Variants in ROBO1 observed in about 807,000 individuals in gnomAD.
ROBO1 encodes roundabout guidance receptor 1, also known as roundabout homolog 1.
In ROBO1, 149 loss-of-function variants were observed where a neutral mutation model predicts 195.9. The observed-to-expected ratio is 0.76, with a 90% CI of 0.67 to 0.87. ROBO1 has a LOEUF of 0.87. ROBO1 is among the 40% of genes least tolerant of loss of function. The probability of loss-of-function intolerance (pLI) is 0.00; values close to 1 mark genes in which losing one functional copy is unlikely to be tolerated. For missense variants in ROBO1, 1,933 were observed against 2,068.3 expected (o/e 0.93, Z 1.27); for synonymous variants, 816 against 733.2 (o/e 1.11, Z -1.82).
Position 78,688,782 on chromosome 3 carries a change from G to A in ROBO1, c.1046-10C>T. 2 of 1,603,900 alleles carry A rather than the reference G, an allele frequency of 1.2e-6. No homozygotes were observed. The highest frequency in any genetic ancestry group is 8.5e-7 in the Non-Finnish European group (1 of 1,175,176). On this transcript the variant is annotated splice_polypyrimidine_tract_variant and intron_variant, in intron 8 of 30. Transcript: ENST00000464233. ...ACAAAATGTGGAGGTTCTGAAGGAG[G>A]TGAAACAAATTACACCGAATTAAAA... is the stretch of plus-strand genomic sequence containing the variant.
chr3:79,194,189 T>G (rs1353808498), intron 2 of ROBO1, among the ~76,000 whole-genome samples: 2 of 151,702 alleles, frequency 1.3e-5, no homozygotes, highest in Admixed American at 6.6e-5. Flanking sequence ...TTTTCTTATT[T>G]ATAGCCTATC....
chr3:79,018,414 G>C lies in ROBO1; in HGVS notation c.173-79487C>G, dbSNP rs562870432. On this transcript the variant is annotated intron_variant, in intron 3 of 30. Transcript: ENST00000464233. ...AAGAAGACGCGGGGTTACCTGAACA[G>C]AGACATATTAATCCAAACAGGTAAA... 1.9e-4 allele frequency: 300 copies of C among 1,613,904 alleles called. No homozygotes were observed. The Middle Eastern group carries it at 2.6e-3, about 14-fold the overall frequency.
At chr3:78,809,642 A>G (rs2084664004) in intron 4 of ROBO1, among the ~76,000 whole-genome samples, 1 of 152,218 alleles carries the variant, frequency 6.6e-6, no homozygotes, top group Non-Finnish European at 1.5e-5. Context: ...CATATACACC[A>G]TGGAATACTA....
intron 3 of ROBO1, among the ~76,000 whole-genome samples, chr3:78,983,754 T>C (rs1428065665): frequency 1.3e-5 from 2 of 152,204 alleles, no homozygotes; most frequent in South Asian, 2.1e-4. Flanking sequence ...CTGTCACCTA[T>C]AAATACAAAT....
intron 1 of ROBO1, among the ~76,000 whole-genome samples, chr3:79,737,197 T>C (rs1435532829): frequency 6.6e-6 from 1 of 152,158 alleles, no homozygotes; most frequent in Non-Finnish European, 1.5e-5. Flanking sequence ...TAGGGTACTT[T>C]GAAAGCATAT....
intron 2 of ROBO1, among the ~76,000 whole-genome samples, chr3:79,430,483 A>G (rs1458814432): frequency 1.3e-5 from 2 of 152,066 alleles, no homozygotes; most frequent in Admixed American, 1.3e-4. Context: ...AATTGATTAG[A>G]CCCCTAAGAA....
At chr3:79,301,578 G>A (rs2032959738) in intron 2 of ROBO1, among the ~76,000 whole-genome samples, 2 of 152,130 alleles carry the variant, frequency 1.3e-5, no homozygotes, top group Admixed American at 1.3e-4. Flanking sequence ...ATTTGTCATT[G>A]CTATGTTTCA....
At chr3:79,107,127 T>TCTCTCACACA (rs1370578718) in intron 3 of ROBO1, among the ~76,000 whole-genome samples, 44 of 136,450 alleles carry the variant, frequency 3.2e-4, no homozygotes, top group African/African-American at 1.1e-3. Flanking sequence ...TCTCTCTCTC[T>TCTCTCACACA]CACACACACA....
At chr3:79,653,931 T>C (rs116370107) in intron 1 of ROBO1, among the ~76,000 whole-genome samples, 2,873 of 152,078 alleles carry the variant, frequency 0.019, 40 homozygotes, top group Non-Finnish European at 0.032. Context: ...TTCTACAAAG[T>C]ACATGTTAGG....
chr3:79,566,050 A>G lies in ROBO1; in HGVS notation c.88+23774T>C, dbSNP rs116576314. Among the ~76,000 whole-genome samples, 556 of 152,208 alleles carry G rather than the reference A, an allele frequency of 3.7e-3. 2 individuals carry two copies. The highest frequency in any genetic ancestry group is 0.011 in the African/African-American group (472 of 41,564). On this transcript the variant is annotated intron_variant, in intron 2 of 30. Transcript: ENST00000464233. ...TCCTGGATCCATTTAACTAATGAAG[A>G]AAGAACTCTTGAGTCTTCCTTTTAG...
At chr3:79,099,895 A>T (rs2079644124) in intron 3 of ROBO1, among the ~76,000 whole-genome samples, 1 of 151,784 alleles carries the variant, frequency 6.6e-6, no homozygotes, top group African/African-American at 2.4e-5. Context: ...CGTATGTATT[A>T]TATCCTCTGC....
chr3:79,534,148 CAAAAAAAA>C (rs5850434), intron 2 of ROBO1, among the ~76,000 whole-genome samples: 65 of 59,972 alleles, frequency 1.1e-3, no homozygotes, highest in South Asian at 8.7e-3. Flanking sequence ...CTGGGGAAGG[CAAAAAAAA>C]AAAAAAAAAA....
chr3:79,516,513 C>T (rs1307403613), intron 2 of ROBO1, among the ~76,000 whole-genome samples: 1 of 152,150 alleles, frequency 6.6e-6, no homozygotes, highest in Non-Finnish European at 1.5e-5. Context: ...GATACACAGA[C>T]TGCCATTATT....
At chr3:79,731,349 T>C (rs1451580119) in intron 1 of ROBO1, among the ~76,000 whole-genome samples, 2 of 152,274 alleles carry the variant, frequency 1.3e-5, no homozygotes, top group East Asian at 3.9e-4. Flanking sequence ...GAATCATCTG[T>C]AAAGCATGTA....
At chr3:79,714,366 T>C (rs1384792481) in intron 1 of ROBO1, among the ~76,000 whole-genome samples, 2 of 152,110 alleles carry the variant, frequency 1.3e-5, no homozygotes, top group African/African-American at 2.4e-5. Flanking sequence ...CTGGAGAGGA[T>C]GTGGAGAAAT....
chr3:78,885,412 TAAAAAAAAAAAAA>T (rs59912706), intron 4 of ROBO1, among the ~76,000 whole-genome samples: 3 of 53,676 alleles, frequency 5.6e-5, no homozygotes, highest in Non-Finnish European at 6.4e-5. Flanking sequence ...AATTTAAAAC[TAAAAAAAAAAAAA>T]AAAAAAAAAA....
chr3:78,628,705 G>A (rs1704983247), intron 25 of ROBO1, among the ~76,000 whole-genome samples: 1 of 151,890 alleles, frequency 6.6e-6, no homozygotes, highest in Non-Finnish European at 1.5e-5. Context: ...CTCCCTCTTT[G>A]CCTCTTTCTT....
chr3:79,512,724 T>C (rs1479696014), intron 2 of ROBO1: 2 of 152,092 alleles, frequency 1.3e-5, no homozygotes, highest in Non-Finnish European at 2.9e-5. Flanking sequence ...AAACAAAAGA[T>C]TGAGAACTTA....
intron 2 of ROBO1, among the ~76,000 whole-genome samples, chr3:79,302,140 A>G (rs994797185): frequency 3.9e-5 from 6 of 152,214 alleles, no homozygotes; most frequent in Non-Finnish European, 8.8e-5. Context: ...TAGTACAGGA[A>G]CTATACACGC....
Sources: gnomAD v4.1 joint callset for allele counts (sites outside exome capture counted in the v4.1 genomes callset) on GRCh38, gnomAD v4.1.1 for gene constraint, MANE v1.5 for transcripts, NCBI Gene and HGNC (gene_info 2026-07-23, HGNC 2026-07-21) for gene names.